FAT3: variants seen among roughly 807,000 people sequenced by gnomAD.
The protein encoded by FAT3 is FAT atypical cadherin 3.
In FAT3, 95 loss-of-function variants were observed where a neutral mutation model predicts 310.2. The observed-to-expected ratio is 0.31, with a 90% CI of 0.26 to 0.36. FAT3 has a LOEUF of 0.36. Ranked by LOEUF, FAT3 falls within the 10% of genes least tolerant of loss-of-function variation. The pLI is 1.00. For synonymous variants in FAT3, 2,314 were observed against 2,192.9 expected (o/e 1.06, Z -1.54); for missense variants, 5,408 against 5,715.6 (o/e 0.95, Z 1.74).
intron 3 of FAT3, among the ~76,000 whole-genome samples, chr11:92,689,386 T>C (rs1943730364): frequency 6.6e-6 from 1 of 152,212 alleles, no homozygotes; most frequent in Admixed American, 6.5e-5. Flanking sequence ...ATATTGCACA[T>C]CTAAGCATGC....
In FAT3 at chr11:92,744,550, AT is replaced by A. The variant is rs767693862; in HGVS notation, c.3670-17299del. Among the ~76,000 whole-genome samples, 226 of 152,200 alleles carry A rather than the reference AT, an allele frequency of 1.5e-3. 1 individual carries two copies. Among genetic ancestry groups the A allele is most frequent in the African/African-American group, 5.1e-3 (212 of 41,532 alleles). On this transcript the variant is annotated intron_variant, in intron 4 of 27. Coordinates refer to ENST00000525166, the MANE Select transcript of FAT3 (RefSeq NM_001367949.2). ...TGTTCCCCATTTATATTTTATAACCATTTTTTTATAGGAACATGAGTAGTGA... is the reference window on the plus strand; with the variant it reads ...TGTTCCCCATTTATATTTTATAACCATTTTTTATAGGAACATGAGTAGTGA...
At position 92,353,474 on chromosome 11, in the gene FAT3, A is replaced by G. The variant is rs751239745; in HGVS notation, c.1362A>G (p.Leu454=). ...KLEVTNKEGD[L]KAQVTISIED... ...AGGTGACAAACAAGGAAGGAGATTT[A>G]AAAGCACAGGTCACCATCAGCATAG... is the stretch of plus-strand genomic sequence containing the variant. Residue 454 remains leucine (L), a synonymous_variant, in exon 2 of 28, where the codon TTA becomes TTG. Coordinates refer to ENST00000525166, the MANE Select transcript of FAT3 (RefSeq NM_001367949.2). 1.2e-6 allele frequency: 2 copies of G among 1,613,526 alleles called. No individual in the cohort carries two copies. The highest frequency in any genetic ancestry group is 2.2e-5 in the South Asian group (2 of 91,022).
At chr11:92,512,437 T>TAA (rs1048668478) in intron 2 of FAT3, among the ~76,000 whole-genome samples, 1 of 150,310 alleles carries the variant, frequency 6.7e-6, no homozygotes, top group African/African-American at 2.4e-5. Context: ...ATGACTTTCC[T>TAA]AGTAAAGGTT....
intron 2 of FAT3, among the ~76,000 whole-genome samples, chr11:92,478,978 T>TTTC (rs1255041946): frequency 4.7e-5 from 7 of 148,230 alleles, no homozygotes; most frequent in Non-Finnish European, 5.9e-5. Flanking sequence ...TTTTCTTTTC[T>TTTC]TTTCTTTTCT....
intron 2 of FAT3, among the ~76,000 whole-genome samples, chr11:92,486,318 C>G (rs1449960607): frequency 6.6e-6 from 1 of 151,470 alleles, no homozygotes; most frequent in Non-Finnish European, 1.5e-5. Flanking sequence ...CTAAATTATA[C>G]TTTCCAATCT....
chr11:92,603,124 T>C (rs2135593861), intron 3 of FAT3, among the ~76,000 whole-genome samples: 1 of 152,360 alleles, frequency 6.6e-6, no homozygotes, highest in East Asian at 1.9e-4. Context: ...GCTTATGTTT[T>C]CTCAGTAATT....
intron 2 of FAT3, among the ~76,000 whole-genome samples, chr11:92,486,113 G>C (rs938093673): frequency 1.5e-5 from 2 of 135,872 alleles, no homozygotes; most frequent in African/African-American, 2.8e-5. Flanking sequence ...ATGTGAAATA[G>C]AGGAGAGGCT....
intron 2 of FAT3, among the ~76,000 whole-genome samples, chr11:92,459,369 G>A (rs1951579393): frequency 6.6e-6 from 1 of 152,162 alleles, no homozygotes; most frequent in Non-Finnish European, 1.5e-5. Flanking sequence ...GCACAGAGTG[G>A]TGGAAAGAGT....
chr11:92,232,526 C>T (rs1186137683), intron 1 of FAT3, among the ~76,000 whole-genome samples: 2 of 151,444 alleles, frequency 1.3e-5, no homozygotes, highest in African/African-American at 2.4e-5. Flanking sequence ...GTCTCTTTCT[C>T]ATGGCATGTT....
intron 2 of FAT3, among the ~76,000 whole-genome samples, chr11:92,459,324 T>G (rs1378616018): frequency 6.6e-6 from 1 of 152,134 alleles, no homozygotes; most frequent in Non-Finnish European, 1.5e-5. Context: ...AGTTGGCCAT[T>G]GGAGCTGCTC....
intron 19 of FAT3, among the ~76,000 whole-genome samples, chr11:92,846,172 C>T (rs1464141167): frequency 1.3e-5 from 2 of 152,296 alleles, no homozygotes; most frequent in East Asian, 3.9e-4. Flanking sequence ...CGGTGATTCA[C>T]ACCAGGGTTC....
At chr11:92,833,564 A>G (rs1367619511) in intron 14 of FAT3, among the ~76,000 whole-genome samples, 2 of 152,198 alleles carry the variant, frequency 1.3e-5, no homozygotes, top group Non-Finnish European at 2.9e-5. Context: ...TAGAATGCGT[A>G]TTCTAATATA....
chr11:92,517,799 A>C (rs1366855269), intron 2 of FAT3, among the ~76,000 whole-genome samples: 1 of 152,220 alleles, frequency 6.6e-6, no homozygotes, highest in Non-Finnish European at 1.5e-5. Context: ...CCCCATCAAA[A>C]AGTGGGTGAA....
At chr11:92,679,861 AAAAAAAAG>A (rs1311968023) in intron 3 of FAT3, among the ~76,000 whole-genome samples, 1 of 144,578 alleles carries the variant, frequency 6.9e-6, no homozygotes, top group Non-Finnish European at 1.5e-5. Context: ...AAAAAAAAAA[AAAAAAAAG>A]TTGAACGTTT....
intron 2 of FAT3, 119 bp downstream of exon 2, chr11:92,355,523 C>G: frequency 1.0e-6 from 1 of 966,094 alleles, no homozygotes. Context: ...GCATTTGGTG[C>G]AGAGACGACG....
intron 4 of FAT3, among the ~76,000 whole-genome samples, chr11:92,719,295 G>A (rs1409405628): frequency 2.0e-5 from 3 of 152,120 alleles, no homozygotes; most frequent in Admixed American, 2.0e-4. Context: ...TTAAACTGTA[G>A]GAGGTTCCCT....
intron 3 of FAT3, among the ~76,000 whole-genome samples, chr11:92,572,177 C>T (rs1938200541): frequency 1.3e-5 from 2 of 152,162 alleles, no homozygotes; most frequent in African/African-American, 2.4e-5. Context: ...AAATGCTGTG[C>T]CCCTAAAAGA....
intron 3 of FAT3, among the ~76,000 whole-genome samples, chr11:92,585,051 C>T (rs1939059855): frequency 3.3e-5 from 5 of 151,760 alleles, no homozygotes; most frequent in Admixed American, 2.6e-4. Flanking sequence ...CATCCTGTGG[C>T]AAGAGAAAAG....
intron 4 of FAT3, among the ~76,000 whole-genome samples, chr11:92,737,317 C>A (rs1175458791): frequency 2.0e-5 from 3 of 152,092 alleles, no homozygotes; most frequent in Non-Finnish European, 4.4e-5. Flanking sequence ...TCCTTATGAT[C>A]AGGGACTCTG....
Sources: gnomAD v4.1 joint callset for allele counts (sites outside exome capture counted in the v4.1 genomes callset) on GRCh38, gnomAD v4.1.1 for gene constraint, MANE v1.5 for transcripts, NCBI Gene and HGNC (gene_info 2026-07-23, HGNC 2026-07-21) for gene names.